Variants in DLG2 observed in about 807,000 individuals in gnomAD.
DLG2 encodes the protein discs large MAGUK scaffold protein 2, also known as disks large homolog 2.
Under a neutral mutation model 132.5 loss-of-function variants are expected in DLG2, and 45 were observed. The observed-to-expected ratio is 0.34, with a 90% confidence interval of 0.27 to 0.44. The LOEUF is 0.44. Ranked by LOEUF, DLG2 falls within the 20% of genes least tolerant of loss-of-function variation. DLG2 has a pLI of 1.00. For synonymous variants in DLG2, 424 were observed against 419.6 expected (o/e 1.01, Z -0.13); for missense variants, 1,045 against 1,196.9 (o/e 0.87, Z 1.87).
rs549709623 is a variant in DLG2 at position 84,077,588 on chromosome 11, G to T, written c.750-18104C>A. 7.2e-5 allele frequency among the ~76,000 whole-genome samples: 11 copies of T among 152,210 alleles called. 1 individual carries two copies. The South Asian group carries it at 2.1e-3, about 29-fold the overall frequency. ...TATGTGCTATTTTTGCATGTTTTAG[G>T]CTGACAATTGTTATAAATTTAAATA... On this transcript the variant is annotated intron_variant, in intron 10 of 27. Transcript: ENST00000376104.
At chr11:84,876,029 T>G (rs1197431949) in intron 6 of DLG2, among the ~76,000 whole-genome samples, 1 of 152,210 alleles carries the variant, frequency 6.6e-6, no homozygotes, top group Non-Finnish European at 1.5e-5. Flanking sequence ...TGATCCACCA[T>G]GCCTGGCCTT....
chr11:83,909,965 T>C (rs1323108239), intron 15 of DLG2, among the ~76,000 whole-genome samples: 3 of 152,180 alleles, frequency 2.0e-5, no homozygotes, highest in South Asian at 4.1e-4. Context: ...CTGGAGATTC[T>C]AATTAAATTT....
chr11:85,280,718 A>T (rs1166004570), intron 4 of DLG2, among the ~76,000 whole-genome samples: 1 of 152,042 alleles, frequency 6.6e-6, no homozygotes, highest in Non-Finnish European at 1.5e-5. Context: ...ATCAGTTATT[A>T]TAGTGTTGGC....
chr11:85,163,070 G>A (rs1235911465), intron 4 of DLG2, among the ~76,000 whole-genome samples: 2 of 152,092 alleles, frequency 1.3e-5, no homozygotes, highest in African/African-American at 4.8e-5. Context: ...CTCCCATGCT[G>A]GAAGCTTCCT....
intron 15 of DLG2, among the ~76,000 whole-genome samples, chr11:83,877,746 A>C (rs2065132232): frequency 6.6e-6 from 1 of 151,398 alleles, no homozygotes; most frequent in African/African-American, 2.4e-5. Flanking sequence ...GTGAACTAAG[A>C]TAAATAGAGT....
intron 6 of DLG2, among the ~76,000 whole-genome samples, chr11:84,539,551 G>T (rs540405844): frequency 1.3e-5 from 2 of 152,280 alleles, no homozygotes; most frequent in African/African-American, 4.8e-5. Context: ...CCTCAGCTTG[G>T]TCTGTTGAAG....
At chr11:85,498,898 C>A (rs769891334) in intron 3 of DLG2, among the ~76,000 whole-genome samples, 1 of 152,256 alleles carries the variant, frequency 6.6e-6, no homozygotes, top group Non-Finnish European at 1.5e-5. Context: ...CCAATGAGAA[C>A]AAGGACACCA....
At chr11:83,984,049 T>C (rs2093028905) in intron 11 of DLG2, among the ~76,000 whole-genome samples, 1 of 152,052 alleles carries the variant, frequency 6.6e-6, no homozygotes, top group South Asian at 2.1e-4. Context: ...TGCCACGGTC[T>C]TAGCTACAAG....
At chr11:83,927,771 C>T (rs1011039611) in intron 15 of DLG2, among the ~76,000 whole-genome samples, 1 of 151,818 alleles carries the variant, frequency 6.6e-6, no homozygotes, top group Admixed American at 6.6e-5. Flanking sequence ...AATTAAGAAG[C>T]TATTATAGGT....
intron 19 of DLG2, among the ~76,000 whole-genome samples, chr11:83,557,321 G>A (rs981323918): frequency 6.6e-6 from 1 of 152,210 alleles, no homozygotes; most frequent in Non-Finnish European, 1.5e-5. Flanking sequence ...GAATGATGAG[G>A]TGATGAGATG....
intron 8 of DLG2, among the ~76,000 whole-genome samples, chr11:84,224,673 A>T: frequency 6.6e-6 from 1 of 152,226 alleles, no homozygotes. Flanking sequence ...CACAGGTTGC[A>T]GAACCTAAAT....
chr11:84,586,090 G>T (rs1261044711), intron 6 of DLG2, among the ~76,000 whole-genome samples: 1 of 150,730 alleles, frequency 6.6e-6, no homozygotes, highest in Non-Finnish European at 1.5e-5. Flanking sequence ...GGTGGAGGTT[G>T]CAGTGAGCCA....
chr11:83,797,889 T>C (rs1256456171), intron 17 of DLG2, among the ~76,000 whole-genome samples: 4 of 152,194 alleles, frequency 2.6e-5, no homozygotes, highest in Non-Finnish European at 5.9e-5. Context: ...GCCATTTTAG[T>C]ATATTTGACC....
At position 84,506,942 on chromosome 11, in the gene DLG2, T is replaced by C. The variant is rs962675488; in HGVS notation, c.519+27628A>G. 2.0e-5 allele frequency among the ~76,000 whole-genome samples: 3 copies of C among 152,210 alleles called. No homozygotes were observed. In the South Asian group the frequency reaches 6.2e-4, roughly 32 times the overall value. ...GGCAACCATGGCTTAAAGGTATTAG[T>C]TGGCTAAGGTCATTCTACTTCCCTT... On this transcript the variant is annotated intron_variant, in intron 7 of 27. Transcript: ENST00000376104.
At chr11:85,401,461 TC>T (rs1180436126) in intron 3 of DLG2, among the ~76,000 whole-genome samples, 1 of 152,070 alleles carries the variant, frequency 6.6e-6, no homozygotes, top group Non-Finnish European at 1.5e-5. Flanking sequence ...CCACTCCTAT[TC>T]CACATAGTAT....
chr11:83,958,860 C>T (rs79986457), intron 14 of DLG2, among the ~76,000 whole-genome samples: 5 of 152,162 alleles, frequency 3.3e-5, no homozygotes, highest in Admixed American at 2.6e-4. Context: ...GGCTCTAAAT[C>T]TGATTATACT....
chr11:84,961,710 C>G (rs1411408811), intron 6 of DLG2, among the ~76,000 whole-genome samples: 1 of 152,094 alleles, frequency 6.6e-6, no homozygotes, highest in Non-Finnish European at 1.5e-5. Context: ...TAAAACAAAA[C>G]TGTAAAATCT....
intron 7 of DLG2, among the ~76,000 whole-genome samples, chr11:84,309,857 T>C (rs1355534548): frequency 2.0e-5 from 3 of 152,246 alleles, no homozygotes; most frequent in African/African-American, 4.8e-5. Context: ...ATTTTGTATT[T>C]ATATTAAATT....
At chr11:83,784,611 T>C (rs772279645) in intron 18 of DLG2, among the ~76,000 whole-genome samples, 9 of 152,242 alleles carry the variant, frequency 5.9e-5, no homozygotes, top group Non-Finnish European at 1.2e-4. Flanking sequence ...ACAAGCATCT[T>C]GATAAACTAC....
Sources: gnomAD v4.1 joint callset for allele counts (sites outside exome capture counted in the v4.1 genomes callset) on GRCh38, gnomAD v4.1.1 for gene constraint, MANE v1.5 for transcripts, NCBI Gene and HGNC (gene_info 2026-07-23, HGNC 2026-07-21) for gene names.